Variants in UNC13C observed in about 807,000 individuals in gnomAD.
UNC13C encodes the protein unc-13 homolog C.
In UNC13C, 174 loss-of-function variants were observed where a neutral mutation model predicts 245.4. The ratio of observed to expected loss-of-function variants is 0.71; its 90% CI spans 0.63 to 0.80. The LOEUF (loss-of-function observed/expected upper bound fraction) is 0.80, where lower values mean the gene tolerates loss of function less well. UNC13C is among the 30% of genes least tolerant of loss of function. The pLI, the probability that UNC13C is intolerant of heterozygous loss-of-function variation, is 0.00. For synonymous variants in UNC13C, 992 were observed against 895.1 expected, an observed-to-expected ratio of 1.11 and a Z score of -1.93; for missense variants, 2,829 against 2,602.9, an observed-to-expected ratio of 1.09 and a Z score of -1.89.
intron 4 of UNC13C, among the ~76,000 whole-genome samples, chr15:54,206,228 C>G (rs1230214993): frequency 6.6e-6 from 1 of 151,962 alleles, no homozygotes; most frequent in African/African-American, 2.4e-5. Flanking sequence ...GTAACAGTTT[C>G]TCTCCCTTCT....
chr15:54,167,295 G>A (rs958913158), intron 4 of UNC13C, among the ~76,000 whole-genome samples: 1 of 151,988 alleles, frequency 6.6e-6, no homozygotes, highest in South Asian at 2.1e-4. Context: ...GAGGTCAGGA[G>A]ATCGAGACCA....
At chr15:54,498,153 C>T (rs1894039243) in intron 20 of UNC13C, among the ~76,000 whole-genome samples, 2 of 152,008 alleles carry the variant, frequency 1.3e-5, no homozygotes, top group African/African-American at 2.4e-5. Flanking sequence ...TCTGATCATC[C>T]AGAGTTTCCA....
At chr15:54,293,781 T>C (rs2037361708) in intron 10 of UNC13C, 114 bp from the exon 11 acceptor site, 10 of 800,168 alleles carry the variant, frequency 1.2e-5, no homozygotes, top group Non-Finnish European at 1.6e-5. Flanking sequence ...GGTTATCTCA[T>C]TTATTATGTA....
chr15:54,479,014 A>G (rs1892940824), intron 19 of UNC13C, among the ~76,000 whole-genome samples: 1 of 152,110 alleles, frequency 6.6e-6, no homozygotes, highest in Admixed American at 6.6e-5. Context: ...GTGCATATAT[A>G]TGGGATATCC....
intron 2 of UNC13C, chr15:54,048,721 T>G (rs1037567181): frequency 5.6e-5 from 16 of 283,264 alleles, no homozygotes; most frequent in African/African-American, 2.0e-4. Flanking sequence ...CATTTTGAAC[T>G]GCCTCCATAT....
At chr15:53,970,669 G>A in the UNC13C span, among the ~76,000 whole-genome samples, 1 of 152,010 alleles carries the variant, frequency 6.6e-6, no homozygotes, top group Non-Finnish European at 1.5e-5. Context: ...ACACACACTG[G>A]GTCCTGTTTG....
At chr15:54,457,988 C>T (rs567028448) in intron 19 of UNC13C, among the ~76,000 whole-genome samples, 2 of 144,244 alleles carry the variant, frequency 1.4e-5, no homozygotes, top group South Asian at 4.6e-4. Flanking sequence ...ATATTGTCTA[C>T]TTGTGCTGTT....
chr15:54,401,689 A>G (rs1042519255), intron 18 of UNC13C, among the ~76,000 whole-genome samples: 1 of 152,050 alleles, frequency 6.6e-6, no homozygotes, highest in African/African-American at 2.4e-5. Flanking sequence ...CAAGAATAGC[A>G]GAGTCACGTA....
At chr15:53,955,455 A>G in the UNC13C span, among the ~76,000 whole-genome samples, 1 of 152,240 alleles carries the variant, frequency 6.6e-6, no homozygotes, top group Non-Finnish European at 1.5e-5. Flanking sequence ...CATTAGAAAG[A>G]TATAAGTAGG....
chr15:54,327,307 A>G (rs918376368), intron 14 of UNC13C, among the ~76,000 whole-genome samples: 1 of 152,038 alleles, frequency 6.6e-6, no homozygotes, highest in East Asian at 1.9e-4. Flanking sequence ...ACCAACCTCT[A>G]TAATATTTTC....
chr15:53,846,980 G>A, the UNC13C span, among the ~76,000 whole-genome samples: 23 of 152,176 alleles, frequency 1.5e-4, no homozygotes, highest in Non-Finnish European at 2.1e-4. Flanking sequence ...AGAGGTCAGC[G>A]CTGAGAATAG....
At chr15:53,888,315 C>T in the UNC13C span, among the ~76,000 whole-genome samples, 1 of 152,158 alleles carries the variant, frequency 6.6e-6, no homozygotes, top group African/African-American at 2.4e-5. Context: ...TGATGATGAA[C>T]ATTTTTTCAT....
chr15:54,552,698 T>TACAATATAA (rs1896859918), intron 28 of UNC13C, among the ~76,000 whole-genome samples: 1 of 83,220 alleles, frequency 1.2e-5, no homozygotes, highest in Non-Finnish European at 2.0e-5. Context: ...AATTATATAT[T>TACAATATAA]ATATATAATT....
At chr15:53,858,534 C>T in the UNC13C span, among the ~76,000 whole-genome samples, 1 of 151,826 alleles carries the variant, frequency 6.6e-6, no homozygotes, top group Non-Finnish European at 1.5e-5. Context: ...TATTCTCCTT[C>T]CCCAGCCTTC....
chr15:54,606,147 A>G (rs1469633783), intron 30 of UNC13C, among the ~76,000 whole-genome samples: 1 of 152,250 alleles, frequency 6.6e-6, no homozygotes, highest in African/African-American at 2.4e-5. Flanking sequence ...GTGAGCAAAC[A>G]TTCTATTACT....
At chr15:54,581,471 C>G (rs1898199386) in intron 30 of UNC13C, among the ~76,000 whole-genome samples, 1 of 152,234 alleles carries the variant, frequency 6.6e-6, no homozygotes, top group African/African-American at 2.4e-5. Context: ...GATGAGGGCT[C>G]TCCTCCTGGC....
chr15:54,417,600 G>C (rs2040548773), intron 19 of UNC13C, among the ~76,000 whole-genome samples: 2 of 152,014 alleles, frequency 1.3e-5, no homozygotes, highest in African/African-American at 4.8e-5. Flanking sequence ...CTATGATTCA[G>C]CATACTTCAT....
At chr15:54,598,075 A>G (rs990652738) in intron 30 of UNC13C, among the ~76,000 whole-genome samples, 18 of 152,344 alleles carry the variant, frequency 1.2e-4, no homozygotes, top group Middle Eastern at 6.8e-3. Context: ...GACTCCTACA[A>G]TGAGTGAAAG....
At chr15:54,545,699 G>GA (rs750629726) in intron 26 of UNC13C, among the ~76,000 whole-genome samples, 29 of 152,122 alleles carry the variant, frequency 1.9e-4, no homozygotes, top group African/African-American at 5.1e-4. Context: ...TAACAAACAT[G>GA]AAAAAAAGCT....
Sources: gnomAD v4.1 joint callset for allele counts (sites outside exome capture counted in the v4.1 genomes callset) on GRCh38, gnomAD v4.1.1 for gene constraint, MANE v1.5 for transcripts, NCBI Gene and HGNC (gene_info 2026-07-23, HGNC 2026-07-21) for gene names.